CYP7B1: variants seen among roughly 807,000 people sequenced by gnomAD.
CYP7B1 encodes the protein cytochrome P450 family 7 subfamily B member 1.
A neutral mutation model predicts 42.7 loss-of-function variants in CYP7B1; 29 were observed. The ratio of observed to expected loss-of-function variants is 0.68; its 90% CI spans 0.51 to 0.93. CYP7B1 has a LOEUF of 0.93. Among genes scored for constraint, CYP7B1 ranks in the 40% least tolerant of loss-of-function variants. The pLI, the probability that CYP7B1 is intolerant of heterozygous loss-of-function variation, is 0.00. For synonymous variants in CYP7B1, 235 were observed against 218.2 expected, an observed-to-expected ratio of 1.08 and a Z score of -0.68; for missense variants, 655 against 600.5, an observed-to-expected ratio of 1.09 and a Z score of -0.95.
chr8:64,701,988 C>T (rs1806923298), intron 1 of CYP7B1, among the ~76,000 whole-genome samples: 1 of 151,976 alleles, frequency 6.6e-6, no homozygotes, highest in Non-Finnish European at 1.5e-5. Flanking sequence ...GACACAATGG[C>T]ATTGAATTTA....
intron 4 of CYP7B1, among the ~76,000 whole-genome samples, chr8:64,607,265 GT>G (rs1805296171): frequency 1.3e-5 from 2 of 152,178 alleles, no homozygotes; most frequent in South Asian, 4.2e-4. Flanking sequence ...ATAAGGTGTT[GT>G]CAGAGAGATT....
At chr8:64,650,103 A>T (rs762344907) in intron 1 of CYP7B1, among the ~76,000 whole-genome samples, 2 of 152,164 alleles carry the variant, frequency 1.3e-5, no homozygotes, top group Non-Finnish European at 2.9e-5. Flanking sequence ...GTGCCTGTGC[A>T]TATGTTTAAA....
chr8:64,615,530 A>AT (rs1200847618), intron 3 of CYP7B1, among the ~76,000 whole-genome samples, 161 bp downstream of exon 3: 20 of 152,006 alleles, frequency 1.3e-4, no homozygotes, highest in African/African-American at 4.8e-4. Context: ...AAAAAAAAAA[A>AT]AAATATCAAT....
rs570399094 is a variant in CYP7B1, at chr8:64,784,822, A to G, written c.122+13644T>C. Among the ~76,000 whole-genome samples the G allele has an allele frequency of 6.4e-4, 98 of 152,308 alleles. 1 individual carries two copies. The highest frequency in any genetic ancestry group is 2.0e-3 in the African/African-American group (85 of 41,578). On this transcript the variant is annotated intron_variant, in intron 1 of 5. Coordinates refer to ENST00000310193, the MANE Select transcript of CYP7B1 (RefSeq NM_004820.5). The stretch of plus-strand genomic sequence containing the variant: ...CACTTTACGAAAAAAAGTTAAAATA[A>G]TATGACAGTGACTCCTTATATACAA...
At chr8:64,750,989 T>C (rs1401816421) in intron 1 of CYP7B1, among the ~76,000 whole-genome samples, 2 of 152,148 alleles carry the variant, frequency 1.3e-5, no homozygotes, top group Non-Finnish European at 2.9e-5. Flanking sequence ...CTTCTTGCTG[T>C]TTAACATCAA....
At chr8:64,751,884 T>C (rs931812358) in intron 1 of CYP7B1, among the ~76,000 whole-genome samples, 4 of 152,252 alleles carry the variant, frequency 2.6e-5, no homozygotes, top group Non-Finnish European at 5.9e-5. Context: ...TTTTAATCTC[T>C]CTAATAGCAT....
intron 1 of CYP7B1, among the ~76,000 whole-genome samples, chr8:64,783,291 G>C (rs1804461638): frequency 6.6e-6 from 1 of 152,090 alleles, no homozygotes. Flanking sequence ...GAGTAATTAA[G>C]TAATTAGAAA....
chr8:64,670,539 A>C (rs1412081665), intron 1 of CYP7B1, among the ~76,000 whole-genome samples: 1 of 152,048 alleles, frequency 6.6e-6, no homozygotes, highest in Non-Finnish European at 1.5e-5. Flanking sequence ...CACCTTCCCC[A>C]CCCAATTAAG....
chr8:64,604,997 G>A lies in CYP7B1; in HGVS notation c.1058-140C>T, dbSNP rs79377721. 5,611 of 1,018,046 alleles carry A rather than the reference G, an allele frequency of 5.5e-3. 209 individuals are homozygous for A. In the African/African-American group the frequency reaches 0.079, roughly 14 times the overall value. 63.1% of individuals were successfully genotyped at this position (1,018,046 alleles called of 1,614,324 possible). A position where few individuals can be genotyped will look rare whatever the true frequency, so the allele number is the denominator to read the frequency against. On this transcript the variant is annotated intron_variant, in intron 4 of 5. Transcript: ENST00000310193. ...TCATCACATACATTGAGCACCAAGA[G>A]GGAGCCAAGGGTGGCTGTGCACAGG... is the stretch of plus-strand genomic sequence containing the variant.
chr8:64,657,895 T>C (rs1041037845), intron 1 of CYP7B1, among the ~76,000 whole-genome samples: 3 of 152,126 alleles, frequency 2.0e-5, no homozygotes, highest in African/African-American at 4.8e-5. Flanking sequence ...ACAAAAATGG[T>C]GATTTACAAA....
In CYP7B1 at chr8:64,598,384, C is replaced by T. The variant is rs545862111; in HGVS notation, c.1234-1455G>A. On this transcript the variant is annotated intron_variant, in intron 5 of 5. Coordinates refer to ENST00000310193, the MANE Select transcript of CYP7B1 (RefSeq NM_004820.5). ...GGGAACTTCTTCCATTCCTGGGGCT[C>T]AAGCCTGCTTGCCTGAGCTTAGTCC... Among the ~76,000 whole-genome samples the T allele has an allele frequency of 7.6e-4, 115 of 152,276 alleles. 1 individual carries two copies. Among genetic ancestry groups the T allele is most frequent in the African/African-American group, 2.8e-3 (115 of 41,572 alleles).
chr8:64,677,217 A>C (rs914370832), intron 1 of CYP7B1, among the ~76,000 whole-genome samples: 1 of 151,974 alleles, frequency 6.6e-6, no homozygotes, highest in Non-Finnish European at 1.5e-5. Flanking sequence ...TCCTACCCTA[A>C]CTGGCCATTA....
At position 64,753,608 on chromosome 8, in the gene CYP7B1, A is replaced by T. The variant is rs1585895299; in HGVS notation, c.122+44858T>A. 2.0e-5 allele frequency among the ~76,000 whole-genome samples: 3 copies of T among 152,342 alleles called. No homozygotes were observed. In the South Asian group the frequency reaches 6.2e-4, roughly 32 times the overall value. ...AGGGGCCAGGGCAGTGGTGAAATAG[A>T]CAAGACTCTCGCCCTCATGAGGCCT... is the stretch of plus-strand genomic sequence containing the variant. On this transcript the variant is annotated intron_variant, in intron 1 of 5. Coordinates refer to ENST00000310193, the MANE Select transcript of CYP7B1 (RefSeq NM_004820.5).
intron 1 of CYP7B1, among the ~76,000 whole-genome samples, chr8:64,782,598 C>T (rs1433273523): frequency 6.6e-6 from 1 of 152,168 alleles, no homozygotes; most frequent in Admixed American, 6.5e-5. Context: ...TAGGTGAGCA[C>T]TCTAAGATAT....
intron 1 of CYP7B1, among the ~76,000 whole-genome samples, chr8:64,635,187 A>G (rs1805752549): frequency 6.6e-6 from 1 of 152,204 alleles, no homozygotes; most frequent in Non-Finnish European, 1.5e-5. Flanking sequence ...CAAGAATCAG[A>G]CTGATGTAAT....
At chr8:64,724,290 G>T (rs1807289048) in intron 1 of CYP7B1, among the ~76,000 whole-genome samples, 1 of 152,084 alleles carries the variant, frequency 6.6e-6, no homozygotes, top group Non-Finnish European at 1.5e-5. Context: ...GGGACTACAG[G>T]CATGTGCCAC....
At chr8:64,686,339 C>T (rs1191052080) in intron 1 of CYP7B1, among the ~76,000 whole-genome samples, 1 of 39,906 alleles carries the variant, frequency 2.5e-5, no homozygotes, top group Non-Finnish European at 5.6e-5. Flanking sequence ...CGCCTCTGCC[C>T]GGCCGCCCCT....
chr8:64,655,580 A>G (rs1294498360), intron 1 of CYP7B1, among the ~76,000 whole-genome samples: 1 of 152,228 alleles, frequency 6.6e-6, no homozygotes, highest in Admixed American at 6.5e-5. Context: ...GGGAGTGTAA[A>G]TTAGTTCAAC....
In CYP7B1 at chr8:64,730,402, C is replaced by T. The variant is rs116276393; in HGVS notation, c.122+68064G>A. The stretch of plus-strand genomic sequence containing the variant: ...TTGTCCAATTCCCTCTTTTAAGCTT[C>T]AATTTTTGTAAAATATCCCATAGGT... On this transcript the variant is annotated intron_variant, in intron 1 of 5. Coordinates refer to ENST00000310193, the MANE Select transcript of CYP7B1 (RefSeq NM_004820.5). Among the ~76,000 whole-genome samples the T allele has an allele frequency of 8.4e-3, 1,272 of 152,102 alleles. 18 individuals carry two copies. The highest frequency in any genetic ancestry group is 0.029 in the African/African-American group (1,191 of 41,488).
Sources: gnomAD v4.1 joint callset for allele counts (sites outside exome capture counted in the v4.1 genomes callset) on GRCh38, gnomAD v4.1.1 for gene constraint, MANE v1.5 for transcripts, NCBI Gene and HGNC (gene_info 2026-07-23, HGNC 2026-07-21) for gene names.